Variants in RAB31 observed in about 807,000 individuals in gnomAD.
RAB31 encodes ras-related protein Rab-31.
Under a neutral mutation model 25.6 loss-of-function variants are expected in RAB31, and 21 were observed. That is an observed-to-expected ratio of 0.82 (90% CI 0.58 to 1.18). The LOEUF (loss-of-function observed/expected upper bound fraction) is 1.18. Among genes scored for constraint, RAB31 ranks in the 50% most tolerant of loss-of-function variants. RAB31 has a pLI of 0.00. For missense variants in RAB31, 196 were observed against 250.1 expected, an observed-to-expected ratio of 0.78 and a Z score of 1.46; for synonymous variants, 87 against 84.0, an observed-to-expected ratio of 1.04 and a Z score of -0.20.
chr18:9,774,276 C>T (rs2068360740), intron 1 of RAB31, among the ~76,000 whole-genome samples: 1 of 152,040 alleles, frequency 6.6e-6, no homozygotes, highest in Non-Finnish European at 1.5e-5. Context: ...AGCACCTGGC[C>T]CCTCCCTTAC....
At chr18:9,746,557 A>T (rs147982488) in intron 1 of RAB31, among the ~76,000 whole-genome samples, 1 of 152,356 alleles carries the variant, frequency 6.6e-6, no homozygotes, top group Non-Finnish European at 1.5e-5. Flanking sequence ...TGGTACTGAC[A>T]TAAAGATAAG....
intron 6 of RAB31, among the ~76,000 whole-genome samples, chr18:9,846,164 G>A (rs1019049587): frequency 1.3e-5 from 2 of 152,166 alleles, no homozygotes; most frequent in Admixed American, 1.3e-4. Context: ...TGGATACAGG[G>A]TTGGCGTGTA....
intron 5 of RAB31, among the ~76,000 whole-genome samples, chr18:9,835,208 T>C (rs1451452539): frequency 6.6e-6 from 1 of 152,148 alleles, no homozygotes; most frequent in African/African-American, 2.4e-5. Flanking sequence ...TTCTTGACCG[T>C]CATGGTATCT....
chr18:9,849,644 T>C (rs72947524), intron 6 of RAB31: 3,835 of 151,616 alleles, frequency 0.025, 67 homozygotes, highest in Middle Eastern at 0.041. Context: ...GGCGAAGGAG[T>C]GGACTGTGAG....
chr18:9,730,662 C>T (rs1328527919), intron 1 of RAB31, among the ~76,000 whole-genome samples: 1 of 152,194 alleles, frequency 6.6e-6, no homozygotes, highest in African/African-American at 2.4e-5. Context: ...TGTAAATCCT[C>T]TTTCCTGATT....
At position 9,792,236 on chromosome 18, in the gene RAB31, G is replaced by A; in HGVS notation, c.201+1G>A. 1.9e-6 allele frequency: 3 copies of A among 1,610,210 alleles called. No homozygotes were observed. The highest frequency in any genetic ancestry group is 2.5e-6 in the Non-Finnish European group (3 of 1,178,140). ...CTGGGACACTGCTGGTCAGGAACGGGTGAGTATATGCTGTTTTTTGGTGAA... is the reference window on the plus strand; with the variant it reads ...CTGGGACACTGCTGGTCAGGAACGGATGAGTATATGCTGTTTTTTGGTGAA... On this transcript the variant is annotated splice_donor_variant, in intron 3 of 6. Transcript: ENST00000578921. LOFTEE classifies it high-confidence loss of function.
intron 2 of RAB31, among the ~76,000 whole-genome samples, chr18:9,789,108 G>A (rs775317126): frequency 2.0e-5 from 3 of 152,138 alleles, no homozygotes; most frequent in Non-Finnish European, 4.4e-5. Context: ...AGGACATTTC[G>A]TTAAGTGAAA....
chr18:9,735,005 TGTC>T (rs1051804526), intron 1 of RAB31: 40 of 203,052 alleles, frequency 2.0e-4, no homozygotes, highest in South Asian at 3.2e-4. Flanking sequence ...GGTTTTTTGT[TGTC>T]GTCGTTGTTG....
At chr18:9,785,301 C>T (rs905488033) in intron 2 of RAB31, 1 of 153,180 alleles carries the variant, frequency 6.5e-6, no homozygotes, top group Non-Finnish European at 1.5e-5. Context: ...AGGGAAAGAC[C>T]ACTGGACAGT....
chr18:9,794,141 T>C (rs1172995345), intron 3 of RAB31, among the ~76,000 whole-genome samples: 1 of 152,148 alleles, frequency 6.6e-6, no homozygotes, highest in East Asian at 1.9e-4. Context: ...GCAGTCCTCC[T>C]GCCTTGGCCT....
At chr18:9,841,487 C>T (rs1330768816) in intron 5 of RAB31, among the ~76,000 whole-genome samples, 1 of 140,794 alleles carries the variant, frequency 7.1e-6, no homozygotes, top group African/African-American at 2.6e-5. Flanking sequence ...TGCAGTGAGC[C>T]GAGATGGCGC....
chr18:9,734,890 C>T (rs543241638), intron 1 of RAB31: 17 of 289,428 alleles, frequency 5.9e-5, no homozygotes, highest in Admixed American at 3.6e-4. Flanking sequence ...CAGAATTGGG[C>T]CTTCATGATG....
chr18:9,778,845 A>C (rs745371105), intron 2 of RAB31, among the ~76,000 whole-genome samples: 1 of 152,256 alleles, frequency 6.6e-6, no homozygotes, highest in Non-Finnish European at 1.5e-5. Context: ...TATGGAGAAC[A>C]TAGTCAATTC....
In RAB31 at chr18:9,708,348, C is replaced by A; in HGVS notation, c.-58C>A. On this transcript the variant is annotated 5_prime_UTR_variant, in exon 1 of 7. Coordinates refer to ENST00000578921, the MANE Select transcript of RAB31 (RefSeq NM_006868.4). This position sits in a 1 kb window ranked among gnomAD's most constrained non-coding sequence, Gnocchi z 6.4. ...AGAGGCGAGAGACGCCGGCGGGGCG[C>A]GGGCGCGGCGGCCCCGGAGGATGCT... 2.2e-6 allele frequency: 3 copies of A among 1,367,382 alleles called. No individual in the cohort carries two copies. The highest frequency in any genetic ancestry group is 9.7e-7 in the Non-Finnish European group (1 of 1,030,848). The allele number at this position is 1,367,382 out of a possible 1,614,324, so 84.7% of individuals were successfully genotyped here. A position where few individuals can be genotyped will look rare whatever the true frequency, so the allele number is the denominator to read the frequency against.
chr18:9,836,541 T>C (rs1230238822), intron 5 of RAB31, among the ~76,000 whole-genome samples: 1 of 152,200 alleles, frequency 6.6e-6, no homozygotes, highest in Non-Finnish European at 1.5e-5. Context: ...AGACTTGACT[T>C]TTTATAGTCC....
rs559635642 is a variant in RAB31 at position 9,777,466 on chromosome 18, G to A, written c.119+2109G>A. ...AAGTGTTTACTTGCAAGATGTGCACGTTGTGAGAGACCATAAAGAATTGTC... is the reference window on the plus strand; with the variant it reads ...AAGTGTTTACTTGCAAGATGTGCACATTGTGAGAGACCATAAAGAATTGTC... On this transcript the variant is annotated intron_variant, in intron 2 of 6. Coordinates refer to ENST00000578921, the MANE Select transcript of RAB31 (RefSeq NM_006868.4). Among the ~76,000 whole-genome samples, 4 of 152,284 alleles carry A rather than the reference G, an allele frequency of 2.6e-5. No homozygotes were observed. In the East Asian group the frequency reaches 5.8e-4, roughly 22 times the overall value.
intron 3 of RAB31, among the ~76,000 whole-genome samples, chr18:9,794,068 T>A (rs907132191): frequency 6.6e-6 from 1 of 152,026 alleles, no homozygotes; most frequent in African/African-American, 2.4e-5. Flanking sequence ...AATTTTTAAA[T>A]TTTTTTTGTA....
intron 3 of RAB31, among the ~76,000 whole-genome samples, chr18:9,793,402 C>A (rs1343782600): frequency 6.6e-6 from 1 of 152,154 alleles, no homozygotes; most frequent in African/African-American, 2.4e-5. Flanking sequence ...GTGGCTCACG[C>A]CTGTAATCCC....
intron 6 of RAB31, 99 bp from the exon 7 acceptor site, chr18:9,859,129 C>A: frequency 1.0e-6 from 1 of 960,884 alleles, no homozygotes; most frequent in Non-Finnish European, 1.5e-6. Flanking sequence ...TTATTTTGTG[C>A]ACAGCCCAAA....
Sources: gnomAD v4.1 joint callset for allele counts (sites outside exome capture counted in the v4.1 genomes callset) on GRCh38, gnomAD v4.1.1 for gene constraint, Gnocchi (gnomAD v3.1) non-coding constraint, MANE v1.5 for transcripts, NCBI Gene and HGNC (gene_info 2026-07-23, HGNC 2026-07-21) for gene names.